The following OTUD7A variants were observed in gnomAD, a reference collection of about 807,000 sequenced individuals.
The protein encoded by OTUD7A is OTU deubiquitinase 7A.
OTUD7A carries 12 observed loss-of-function variants against 65.7 expected under a neutral mutation model. That is an observed-to-expected ratio of 0.18 (90% CI 0.12 to 0.30). The LOEUF is 0.30. OTUD7A is among the 10% of genes least tolerant of loss of function. The pLI, the probability that OTUD7A is intolerant of heterozygous loss-of-function variation, is 1.00. For synonymous variants in OTUD7A, 641 were observed against 586.3 expected (o/e 1.09, Z -1.35); for missense variants, 1,148 against 1,304.8 (o/e 0.88, Z 1.85).
At chr15:31,557,002 G>A (rs1198522911) in intron 5 of OTUD7A, 2 of 152,144 alleles carry the variant, frequency 1.3e-5, no homozygotes, top group Non-Finnish European at 2.9e-5. Context: ...GCCAGTCATT[G>A]GATTGCTCTT....
chr15:31,621,207 T>C (rs561160421), intron 3 of OTUD7A, among the ~76,000 whole-genome samples: 2 of 152,086 alleles, frequency 1.3e-5, no homozygotes, highest in Non-Finnish European at 2.9e-5. Context: ...AATTTTGGAA[T>C]AAGTGTGACG....
At chr15:31,720,645 C>A (rs894589966) in intron 1 of OTUD7A, among the ~76,000 whole-genome samples, 6 of 152,214 alleles carry the variant, frequency 3.9e-5, no homozygotes, top group Non-Finnish European at 1.5e-5. Context: ...CCTGATCTGC[C>A]CGCCTCAGCC....
At chr15:31,545,192 A>G (rs1595598684) in intron 5 of OTUD7A, among the ~76,000 whole-genome samples, 1 of 152,114 alleles carries the variant, frequency 6.6e-6, no homozygotes. Flanking sequence ...ACACTGCAGC[A>G]TAATAAAGAA....
At chr15:31,661,777 T>A (rs1892171800) in intron 1 of OTUD7A, among the ~76,000 whole-genome samples, 1 of 152,236 alleles carries the variant, frequency 6.6e-6, no homozygotes, top group South Asian at 2.1e-4. Context: ...TGATATCAAA[T>A]GTTGTAAGTT....
rs547988463 is a variant in OTUD7A at position 31,501,780 on chromosome 15, A to G, written c.1081T>C (p.Cys361Arg). The change falls in exon 10 of 13, where the codon TGC becomes CGC. Residue 361 changes from cysteine (C) to arginine (R), a missense_variant. Coordinates refer to ENST00000307050, the MANE Select transcript of OTUD7A (RefSeq NM_001382637.1). ...GCCAGAACCAGAGGCGAGCAGTGGC[A>G]TCTGTTGGGAGGGACCTCCAAGGGC... ...YLPLEVPPNR[C>R]HCSPLVLAYD... 1 of 1,614,166 alleles carries G rather than the reference A, an allele frequency of 6.2e-7. No homozygotes were observed. The highest frequency in any genetic ancestry group is 1.1e-5 in the South Asian group (1 of 91,086).
intron 3 of OTUD7A, among the ~76,000 whole-genome samples, chr15:31,609,461 T>A (rs1163332875): frequency 6.6e-6 from 1 of 152,132 alleles, no homozygotes; most frequent in East Asian, 1.9e-4. Context: ...CCCACTTCCC[T>A]GACAGCCTGC....
At chr15:31,494,678 C>T (rs1393189466) in intron 10 of OTUD7A, among the ~76,000 whole-genome samples, 1 of 152,166 alleles carries the variant, frequency 6.6e-6, no homozygotes, top group African/African-American at 2.4e-5. Flanking sequence ...TCTGTGCACA[C>T]ATCAGATGTG....
intron 1 of OTUD7A, among the ~76,000 whole-genome samples, chr15:31,815,489 G>A (rs1434003221): frequency 6.6e-6 from 1 of 152,214 alleles, no homozygotes; most frequent in African/African-American, 2.4e-5. Flanking sequence ...AGCAAGGAAC[G>A]AGCTCAAGGT....
chr15:31,847,376 G>A (rs888872563), intron 1 of OTUD7A, among the ~76,000 whole-genome samples: 5 of 152,148 alleles, frequency 3.3e-5, no homozygotes, highest in African/African-American at 9.7e-5. Flanking sequence ...CAAGACAGCC[G>A]CTCTCCTCCA....
chr15:31,786,004 A>G (rs1281521706), intron 1 of OTUD7A, among the ~76,000 whole-genome samples: 1 of 152,174 alleles, frequency 6.6e-6, no homozygotes, highest in Non-Finnish European at 1.5e-5. Flanking sequence ...ATTCAAATCC[A>G]TTCATGGATT....
chr15:31,521,185 A>G (rs1420556958), intron 8 of OTUD7A, among the ~76,000 whole-genome samples: 1 of 152,204 alleles, frequency 6.6e-6, no homozygotes, highest in Non-Finnish European at 1.5e-5. Flanking sequence ...CTACTTGGGT[A>G]ATGGGTACGC....
chr15:31,580,219 G>A (rs1280027790), intron 3 of OTUD7A, among the ~76,000 whole-genome samples: 3 of 152,192 alleles, frequency 2.0e-5, no homozygotes, highest in African/African-American at 7.2e-5. Context: ...TGTGGATGAA[G>A]TGGAGGGCAG....
chr15:31,573,568 T>C (rs1228844131), intron 3 of OTUD7A, among the ~76,000 whole-genome samples: 1 of 152,226 alleles, frequency 6.6e-6, no homozygotes, highest in African/African-American at 2.4e-5. Flanking sequence ...TTGCAATGCC[T>C]CAGCTGTTAT....
intron 1 of OTUD7A, among the ~76,000 whole-genome samples, chr15:31,703,182 A>T (rs1196537936): frequency 6.6e-6 from 1 of 152,120 alleles, no homozygotes; most frequent in Non-Finnish European, 1.5e-5. Context: ...AGAAAATCTT[A>T]GGGATTTAGG....
chr15:31,767,415 T>C, intron 1 of OTUD7A: 1 of 774,992 alleles, frequency 1.3e-6, no homozygotes, highest in South Asian at 1.3e-5. Flanking sequence ...AAATCCAACA[T>C]AAGTTGGATT....
At chr15:31,586,777 T>A (rs1005373429) in intron 3 of OTUD7A, among the ~76,000 whole-genome samples, 1 of 152,004 alleles carries the variant, frequency 6.6e-6, no homozygotes, top group Non-Finnish European at 1.5e-5. Flanking sequence ...AGCTAGCCAC[T>A]CCCTTAGCCA....
chr15:31,669,791 CT>C (rs1169809159), intron 1 of OTUD7A, among the ~76,000 whole-genome samples: 1 of 151,980 alleles, frequency 6.6e-6, no homozygotes, highest in Admixed American at 6.5e-5. Context: ...GAATGGCCTG[CT>C]TGGGGACCCA....
intron 1 of OTUD7A, among the ~76,000 whole-genome samples, chr15:31,794,649 C>T (rs972731932): frequency 6.8e-5 from 10 of 146,532 alleles, no homozygotes; most frequent in Admixed American, 1.4e-4. Flanking sequence ...AAAAAAAAAT[C>T]CTAACTTTAT....
At chr15:31,552,853 T>G (rs1321581838) in intron 5 of OTUD7A, among the ~76,000 whole-genome samples, 1 of 152,176 alleles carries the variant, frequency 6.6e-6, no homozygotes, top group African/African-American at 2.4e-5. Flanking sequence ...AAGGCAAACT[T>G]GGCAACTGGC....
Sources: gnomAD v4.1 joint callset for allele counts (sites outside exome capture counted in the v4.1 genomes callset) on GRCh38, gnomAD v4.1.1 for gene constraint, MANE v1.5 for transcripts, NCBI Gene and HGNC (gene_info 2026-07-23, HGNC 2026-07-21) for gene names.